Variants in WDR7 observed in about 807,000 individuals in gnomAD.
WDR7 encodes WD repeat domain 7.
Under a neutral mutation model 169.4 loss-of-function variants are expected in WDR7, and 46 were observed. That is an observed-to-expected ratio of 0.27 (90% CI 0.21 to 0.35). The LOEUF (loss-of-function observed/expected upper bound fraction) is 0.35, where lower values mean the gene tolerates loss of function less well. Ranked by LOEUF, WDR7 falls within the 10% of genes least tolerant of loss-of-function variation. The pLI is 1.00. For missense variants in WDR7, 1,534 were observed against 1,859.3 expected (o/e 0.83, Z 3.22); for synonymous variants, 612 against 666.8 (o/e 0.92, Z 1.27).
intron 26 of WDR7, among the ~76,000 whole-genome samples, chr18:56,969,666 T>C (rs1275028037): frequency 6.6e-6 from 1 of 152,240 alleles, no homozygotes; most frequent in Non-Finnish European, 1.5e-5. Flanking sequence ...GTGTTGGCTC[T>C]GTGTTTGTTA....
chr18:57,025,627 C>T (rs772256064), intron 27 of WDR7, among the ~76,000 whole-genome samples: 9 of 151,994 alleles, frequency 5.9e-5, no homozygotes, highest in East Asian at 5.8e-4. Flanking sequence ...TTGTGTTCAG[C>T]GCTATTATTA....
chr18:56,798,213 G>A (rs2044616794), intron 19 of WDR7, among the ~76,000 whole-genome samples: 1 of 152,118 alleles, frequency 6.6e-6, no homozygotes, highest in Admixed American at 6.6e-5. Flanking sequence ...AATCTGCTTT[G>A]GTAGGGCAGC....
chr18:56,977,170 T>C (rs1468381434), intron 26 of WDR7, among the ~76,000 whole-genome samples: 3 of 152,196 alleles, frequency 2.0e-5, no homozygotes, highest in Non-Finnish European at 4.4e-5. Flanking sequence ...ACTCAATAAA[T>C]CGTGGTGGTG....
At chr18:56,760,687 A>G (rs2043968298) in intron 16 of WDR7, among the ~76,000 whole-genome samples, 2 of 152,348 alleles carry the variant, frequency 1.3e-5, no homozygotes, top group African/African-American at 4.8e-5. Flanking sequence ...TGTTTTGTAT[A>G]TAACTAAAAG....
At chr18:56,736,843 GCT>G (rs2026710916) in intron 14 of WDR7, among the ~76,000 whole-genome samples, 1 of 152,084 alleles carries the variant, frequency 6.6e-6, no homozygotes, top group South Asian at 2.1e-4. Context: ...CTGGGTTTAT[GCT>G]CTGTTTAGGA....
intron 19 of WDR7, among the ~76,000 whole-genome samples, chr18:56,814,740 G>A (rs982914474): frequency 5.3e-5 from 8 of 151,566 alleles, no homozygotes; most frequent in African/African-American, 1.9e-4. Context: ...CCCCCACGAC[G>A]TGCAATTTAC....
At chr18:56,800,186 A>G (rs2044648988) in intron 19 of WDR7, among the ~76,000 whole-genome samples, 1 of 152,214 alleles carries the variant, frequency 6.6e-6, no homozygotes, top group Non-Finnish European at 1.5e-5. Flanking sequence ...GCCAGAGGCA[A>G]TGATTGGTGC....
intron 26 of WDR7, among the ~76,000 whole-genome samples, chr18:57,001,596 A>T (rs900138736): frequency 6.6e-6 from 1 of 152,192 alleles, no homozygotes; most frequent in African/African-American, 2.4e-5. Context: ...TTAAGTGCAC[A>T]GTTTGATAAG....
intron 12 of WDR7, among the ~76,000 whole-genome samples, chr18:56,711,281 A>T (rs2026081428): frequency 6.6e-6 from 1 of 152,114 alleles, no homozygotes; most frequent in South Asian, 2.1e-4. Context: ...GAAATGTGAT[A>T]AGACTTGATA....
chr18:56,897,388 A>G (rs755241397), intron 21 of WDR7, among the ~76,000 whole-genome samples: 14 of 94,320 alleles, frequency 1.5e-4, no homozygotes, highest in Non-Finnish European at 3.0e-4. Context: ...AGTATTGGAC[A>G]AATATACTGA....
chr18:56,871,143 G>A (rs2045947139), intron 20 of WDR7, among the ~76,000 whole-genome samples: 1 of 152,066 alleles, frequency 6.6e-6, no homozygotes, highest in Non-Finnish European at 1.5e-5. Flanking sequence ...TATTTATTTT[G>A]ACTATATGCA....
rs1232820703 is a variant in WDR7 at position 56,707,426 on chromosome 18, GT to G, written c.1579-10523del. Reference sequence around the variant, plus strand: ...CTCTGACAGTCTAACTTTGCGTTTTGTTTTTTTTTTTTTTTGGCATGAGATA... The same window carrying G: ...CTCTGACAGTCTAACTTTGCGTTTTGTTTTTTTTTTTTTTGGCATGAGATA... On this transcript the variant is annotated intron_variant, in intron 12 of 27. Coordinates refer to ENST00000254442, the MANE Select transcript of WDR7 (RefSeq NM_015285.3). 5.4e-3 allele frequency among the ~76,000 whole-genome samples: 663 copies of G among 123,848 alleles called. 2 individuals carry two copies. Among genetic ancestry groups the G allele is most frequent in the East Asian group, 0.044 (182 of 4,168 alleles). 81.2% of individuals were successfully genotyped at this position (123,848 alleles called of 152,430 possible). A position where few individuals can be genotyped will look rare whatever the true frequency, so the allele number is the denominator to read the frequency against.
chr18:56,985,400 T>C (rs1320181919), intron 26 of WDR7, among the ~76,000 whole-genome samples: 1 of 152,198 alleles, frequency 6.6e-6, no homozygotes, highest in African/African-American at 2.4e-5. Context: ...TTTTAAAATA[T>C]ATCACAAGGA....
intron 7 of WDR7, among the ~76,000 whole-genome samples, chr18:56,688,594 T>C (rs1598962879): frequency 1.3e-5 from 2 of 149,790 alleles, no homozygotes; most frequent in Non-Finnish European, 3.0e-5. Flanking sequence ...CAGTGCATGG[T>C]GACGCACACC....
intron 20 of WDR7, among the ~76,000 whole-genome samples, chr18:56,828,259 A>G (rs1339548395): frequency 2.6e-5 from 4 of 152,222 alleles, no homozygotes; most frequent in Non-Finnish European, 5.9e-5. Flanking sequence ...AAACACTTTT[A>G]TATTGATTTC....
At chr18:56,743,408 C>T (rs1337581266) in intron 14 of WDR7, among the ~76,000 whole-genome samples, 1 of 151,934 alleles carries the variant, frequency 6.6e-6, no homozygotes, top group African/African-American at 2.4e-5. Context: ...GAAAAGGAAA[C>T]GATTTAGAGA....
intron 12 of WDR7, among the ~76,000 whole-genome samples, chr18:56,702,467 G>A (rs975587627): frequency 4.6e-5 from 7 of 152,132 alleles, no homozygotes; most frequent in Non-Finnish European, 1.0e-4. Context: ...ATGATTGACA[G>A]CAGTGAAAAT....
intron 25 of WDR7, among the ~76,000 whole-genome samples, chr18:56,954,075 G>A (rs1195877031): frequency 6.6e-6 from 1 of 152,178 alleles, no homozygotes; most frequent in African/African-American, 2.4e-5. Context: ...TAGTGGCATG[G>A]AGGGTACTAA....
intron 23 of WDR7, 58 bp from the exon 24 acceptor site, chr18:56,938,475 T>C (rs1283154006): frequency 7.0e-6 from 11 of 1,576,446 alleles, no homozygotes; most frequent in Non-Finnish European, 9.4e-6. Flanking sequence ...AAACCATGGC[T>C]AGAAATGTAA....
Sources: gnomAD v4.1 joint callset for allele counts (sites outside exome capture counted in the v4.1 genomes callset) on GRCh38, gnomAD v4.1.1 for gene constraint, MANE v1.5 for transcripts, NCBI Gene and HGNC (gene_info 2026-07-23, HGNC 2026-07-21) for gene names.